The following ZSWIM6 variants were observed in gnomAD, a reference collection of about 807,000 sequenced individuals.
ZSWIM6 encodes zinc finger SWIM domain-containing protein 6.
ZSWIM6 carries 9 observed loss-of-function variants against 113.2 expected under a neutral mutation model. The observed-to-expected ratio is 0.08, with a 90% CI of 0.05 to 0.14. ZSWIM6 has a LOEUF of 0.14. ZSWIM6 is among the 10% of genes least tolerant of loss of function. The pLI, the probability that ZSWIM6 is intolerant of heterozygous loss-of-function variation, is 1.00. For synonymous variants in ZSWIM6, 611 were observed against 606.5 expected (o/e 1.01, Z -0.11); for missense variants, 1,162 against 1,552.2 (o/e 0.75, Z 4.22).
chr5:61,436,022 A>G (rs1453826978), intron 1 of ZSWIM6, among the ~76,000 whole-genome samples: 1 of 152,060 alleles, frequency 6.6e-6, no homozygotes, highest in Non-Finnish European at 1.5e-5. Context: ...ACCAACATGG[A>G]GAAACCCCGT....
intron 1 of ZSWIM6, among the ~76,000 whole-genome samples, chr5:61,386,813 G>A (rs917800698): frequency 1.3e-5 from 2 of 152,270 alleles, no homozygotes; most frequent in African/African-American, 4.8e-5. Flanking sequence ...AAATCCCTTT[G>A]TGTGGGTTTT....
At chr5:61,507,542 TAATC>T (rs1307013961) in intron 4 of ZSWIM6, among the ~76,000 whole-genome samples, 1 of 152,214 alleles carries the variant, frequency 6.6e-6, no homozygotes, top group Non-Finnish European at 1.5e-5. Context: ...CTGACTTGAA[TAATC>T]AATCTTGAAT....
intron 1 of ZSWIM6, among the ~76,000 whole-genome samples, chr5:61,356,758 A>G (rs190799049): frequency 5.5e-4 from 77 of 140,254 alleles, no homozygotes; most frequent in Non-Finnish European, 1.0e-3. Flanking sequence ...TATATTATAT[A>G]TAATATGTAT....
chr5:61,356,728 T>TA (rs1407236168), intron 1 of ZSWIM6, among the ~76,000 whole-genome samples: 1 of 70,596 alleles, frequency 1.4e-5, no homozygotes, highest in Non-Finnish European at 2.9e-5. Context: ...TAACATAATA[T>TA]ATAATATATA....
At chr5:61,508,984 A>G (rs1396495156) in intron 4 of ZSWIM6, among the ~76,000 whole-genome samples, 1 of 152,156 alleles carries the variant, frequency 6.6e-6, no homozygotes, top group Non-Finnish European at 1.5e-5. Context: ...GTTTTTATTA[A>G]CAAGAACAGT....
intron 1 of ZSWIM6, among the ~76,000 whole-genome samples, chr5:61,453,531 T>C (rs1040513943): frequency 6.6e-6 from 1 of 151,810 alleles, no homozygotes; most frequent in African/African-American, 2.4e-5. Flanking sequence ...TGTGCCACCA[T>C]GCCTAGCTAA....
chr5:61,396,170 A>C (rs74632869), intron 1 of ZSWIM6, among the ~76,000 whole-genome samples: 1,772 of 152,178 alleles, frequency 0.012, 39 homozygotes, highest in African/African-American at 0.04. Context: ...TATCACCTTC[A>C]TCTTCCTCAT....
intron 2 of ZSWIM6, among the ~76,000 whole-genome samples, chr5:61,483,813 C>T (rs1580024725): frequency 6.6e-6 from 1 of 151,176 alleles, no homozygotes; most frequent in African/African-American, 2.4e-5. Context: ...GGAGGCAGAG[C>T]TTGCAGTGAG....
chr5:61,393,170 A>T (rs575948966), intron 1 of ZSWIM6, among the ~76,000 whole-genome samples: 224 of 151,364 alleles, frequency 1.5e-3, no homozygotes, highest in African/African-American at 5.1e-3. Context: ...CCTCCCGAGT[A>T]GCTGGGACTA....
rs1314315470 is a variant in ZSWIM6 at position 61,526,289 on chromosome 5, G to A, written c.1730G>A (p.Arg577His). The change falls in exon 7 of 14, where the codon CGT (arginine) becomes CAT (histidine). Residue 577 changes from arginine to histidine, a missense_variant. Physicochemically the swap from Arg to His is conservative, Grantham distance 29 (BLOSUM62 0). Around this residue, in one of 4 missense-constraint regions of ZSWIM6, gnomAD observed 620 missense variants for 804.6 expected, o/e 0.77. Coordinates refer to ENST00000252744, the MANE Select transcript of ZSWIM6 (RefSeq NM_020928.2). ...PTACARVDAL[R>H]SHGYPREALR... ...GCCTGTGCAAGAGTGGACGCATTAC[G>A]TTCTCATGGGTACCCCAGAGAAGCA... 9.7e-6 allele frequency: 15 copies of A among 1,551,724 alleles called. No individual in the cohort carries two copies. The highest frequency in any genetic ancestry group is 4.8e-5 in the South Asian group (4 of 84,058).
At chr5:61,382,150 C>T (rs1414097371) in intron 1 of ZSWIM6, among the ~76,000 whole-genome samples, 1 of 152,182 alleles carries the variant, frequency 6.6e-6, no homozygotes, top group Non-Finnish European at 1.5e-5. Flanking sequence ...GCTGGTCCTG[C>T]ATGCTGTGTC....
intron 1 of ZSWIM6, among the ~76,000 whole-genome samples, chr5:61,417,505 A>G (rs1746281102): frequency 6.6e-6 from 1 of 152,176 alleles, no homozygotes; most frequent in Non-Finnish European, 1.5e-5. Flanking sequence ...CAGTTTCAGA[A>G]CTGTAGAACA....
chr5:61,352,409 GTC>G (rs1187199504), intron 1 of ZSWIM6, among the ~76,000 whole-genome samples: 1 of 152,192 alleles, frequency 6.6e-6, no homozygotes, highest in African/African-American at 2.4e-5. Flanking sequence ...GCACATAGTT[GTC>G]TCTCAATAAA....
At chr5:61,386,365 G>A (rs184843089) in intron 1 of ZSWIM6, among the ~76,000 whole-genome samples, 19 of 152,288 alleles carry the variant, frequency 1.2e-4, no homozygotes, top group Admixed American at 7.8e-4. Context: ...CTTTAATTGG[G>A]CTGTGGCTGT....
At position 61,538,795 on chromosome 5, in the gene ZSWIM6, C is replaced by T. The variant is rs1749648222; in HGVS notation, c.2382-19C>T. ...TCAAGAAATAACTAGGGGCCACCTT[C>T]CTTGTCTTCTCATTATAGGTTACTA... is the stretch of plus-strand genomic sequence containing the variant. On this transcript the variant is annotated intron_variant, in intron 10 of 13. Coordinates refer to ENST00000252744, the MANE Select transcript of ZSWIM6 (RefSeq NM_020928.2). 4 of 1,541,632 alleles carry T rather than the reference C, an allele frequency of 2.6e-6. No homozygotes were observed. The highest frequency in any genetic ancestry group is 3.5e-6 in the Non-Finnish European group (4 of 1,141,330).
intron 1 of ZSWIM6, among the ~76,000 whole-genome samples, chr5:61,400,242 A>G (rs893584089): frequency 1.1e-4 from 16 of 152,130 alleles, no homozygotes; most frequent in African/African-American, 3.6e-4. Flanking sequence ...TATGTGACAA[A>G]TCTTTAGATA....
chr5:61,378,918 T>C (rs1160719248), intron 1 of ZSWIM6, among the ~76,000 whole-genome samples: 1 of 152,004 alleles, frequency 6.6e-6, no homozygotes, highest in Non-Finnish European at 1.5e-5. Context: ...GATGGCTCAC[T>C]CCTGTTATCC....
chr5:61,530,483 C>T (rs555392732), intron 8 of ZSWIM6, among the ~76,000 whole-genome samples: 7 of 152,276 alleles, frequency 4.6e-5, no homozygotes, highest in African/African-American at 1.7e-4. Context: ...ACATTTATGA[C>T]TACTTCTTAG....
chr5:61,409,154 A>C (rs1373453231), intron 1 of ZSWIM6, among the ~76,000 whole-genome samples: 4 of 151,442 alleles, frequency 2.6e-5, no homozygotes, highest in Non-Finnish European at 5.9e-5. Context: ...TATAAGCACA[A>C]AATTAAATGT....
Sources: allele counts gnomAD v4.1 joint callset (sites outside exome capture counted in the v4.1 genomes callset), GRCh38; gene constraint gnomAD v4.1.1; regional missense constraint gnomAD v4.1.1; transcripts MANE v1.5; gene names NCBI Gene and HGNC (gene_info 2026-07-23, HGNC 2026-07-21).